Variants in LRP1B observed in about 807,000 individuals in gnomAD.
The protein encoded by LRP1B is LDL receptor related protein 1B.
LRP1B carries 217 observed loss-of-function variants against 556.6 expected under a neutral mutation model. The ratio of observed to expected loss-of-function variants is 0.39; its 90% CI spans 0.35 to 0.44. LRP1B has a LOEUF of 0.44. Ranked by LOEUF, LRP1B falls within the 20% of genes least tolerant of loss-of-function variation. The pLI is 1.00. For missense variants in LRP1B, 5,053 were observed against 5,620.8 expected, an observed-to-expected ratio of 0.90 and a Z score of 3.23; for synonymous variants, 2,047 against 1,865.8, an observed-to-expected ratio of 1.10 and a Z score of -2.50.
intron 1 of LRP1B, among the ~76,000 whole-genome samples, chr2:141,823,884 G>C (rs1340192817): frequency 1.3e-5 from 2 of 152,102 alleles, no homozygotes; most frequent in African/African-American, 4.8e-5. Flanking sequence ...ATGTTGCCCA[G>C]GTTGGTCTCA....
At chr2:140,915,901 G>A (rs563614403) in intron 21 of LRP1B, among the ~76,000 whole-genome samples, 7 of 151,866 alleles carry the variant, frequency 4.6e-5, no homozygotes, top group East Asian at 3.9e-4. Context: ...GGGGGCAGGC[G>A]CCTGTACTCC....
intron 7 of LRP1B, among the ~76,000 whole-genome samples, chr2:141,065,473 G>A (rs945964102): frequency 2.6e-5 from 4 of 151,898 alleles, no homozygotes; most frequent in African/African-American, 9.6e-5. Flanking sequence ...GTCTTTTCTT[G>A]CTCAACTCCT....
rs558274164 is a variant in LRP1B at position 141,882,658 on chromosome 2, A to T, written c.83-72257T>A. 5.3e-5 allele frequency among the ~76,000 whole-genome samples: 8 copies of T among 152,300 alleles called. No homozygotes were observed. In the South Asian group the frequency reaches 1.7e-3, roughly 32 times the overall value. On this transcript the variant is annotated intron_variant, in intron 1 of 90. Transcript: ENST00000389484. The stretch of plus-strand genomic sequence containing the variant: ...GATCATGGGCAGTAAACTGACTCTG[A>T]AGTAGTTTCCATTAATAGATAGGTT...
intron 1 of LRP1B, among the ~76,000 whole-genome samples, chr2:142,026,652 TAA>T (rs1703515347): frequency 6.6e-6 from 1 of 151,954 alleles, no homozygotes; most frequent in Non-Finnish European, 1.5e-5. Flanking sequence ...GCCAAACAAA[TAA>T]AAAGTCTGTG....
At position 141,342,192 on chromosome 2, in the gene LRP1B, C is replaced by T. The variant is rs576491219; in HGVS notation, c.344-87551G>A. On this transcript the variant is annotated intron_variant, in intron 3 of 90. Transcript: ENST00000389484. ...TTGGGAGGTGGAGGTTGCAGTGAGC[C>T]GAGATCGTGCCACCGCACTCCAGCC... Among the ~76,000 whole-genome samples the T allele has an allele frequency of 3.2e-4, 47 of 147,678 alleles. No individual in the cohort carries two copies. The South Asian group carries it at 7.6e-3, about 24-fold the overall frequency.
intron 35 of LRP1B, among the ~76,000 whole-genome samples, chr2:140,722,744 TTATTAAA>T (rs1230772015): frequency 6.6e-6 from 1 of 152,178 alleles, no homozygotes; most frequent in Non-Finnish European, 1.5e-5. Context: ...AGATAAACTA[TTATTAAA>T]TAGTAAAGGG....
In LRP1B at chr2:140,813,739, T is replaced by G; in HGVS notation, c.5277A>C (p.Arg1759Ser). ...CTAAATTACCACCATCCAGGTTGCA[T>G]CTATTTATGGTTCCATTCCCTGAAC... The part of the protein sequence containing the change: ...WISSGNGTIN[R>S]CNLDGGNLEV... The change falls in exon 32 of 91, where the codon AGA (arginine) becomes AGC (serine). Residue 1759 changes from arginine (R) to serine (S), a missense_variant. This residue lies in a region of LRP1B where 3,619 missense variants were observed against 3,931.9 expected (regional missense o/e 0.92). Coordinates refer to ENST00000389484, the MANE Select transcript of LRP1B (RefSeq NM_018557.3). 1.2e-6 allele frequency: 2 copies of G among 1,610,296 alleles called. No individual in the cohort carries two copies.
chr2:141,339,326 T>C (rs13420324), intron 3 of LRP1B, among the ~76,000 whole-genome samples: 89,261 of 150,820 alleles, frequency 0.59, 27,273 homozygotes, highest in African/African-American at 0.68. Flanking sequence ...CATTCAAAAC[T>C]ACTGAATTTA....
chr2:141,181,383 T>C (rs1558915975), intron 7 of LRP1B, among the ~76,000 whole-genome samples: 1 of 151,972 alleles, frequency 6.6e-6, no homozygotes, highest in Non-Finnish European at 1.5e-5. Flanking sequence ...TGTTTTTCTG[T>C]TACTTTACCT....
intron 3 of LRP1B, among the ~76,000 whole-genome samples, chr2:141,333,543 G>A (rs1265007437): frequency 6.6e-6 from 1 of 152,032 alleles, no homozygotes; most frequent in Non-Finnish European, 1.5e-5. Flanking sequence ...AGTAAAAATG[G>A]TAGCTCATAA....
intron 56 of LRP1B, 36 bp downstream of exon 56, chr2:140,495,529 C>A (rs2104872375): frequency 6.5e-7 from 1 of 1,542,942 alleles, no homozygotes; most frequent in Non-Finnish European, 8.9e-7. Flanking sequence ...ATATGTATAA[C>A]TGAGGTTGGA....
At chr2:141,577,975 T>G (rs1483110840) in intron 2 of LRP1B, among the ~76,000 whole-genome samples, 1 of 152,118 alleles carries the variant, frequency 6.6e-6, no homozygotes, top group Non-Finnish European at 1.5e-5. Flanking sequence ...AGCCCAGATA[T>G]CGTAAATAAA....
At chr2:140,441,550 T>TA (rs1360235770) in intron 66 of LRP1B, among the ~76,000 whole-genome samples, 2 of 152,186 alleles carry the variant, frequency 1.3e-5, no homozygotes, top group African/African-American at 4.8e-5. Flanking sequence ...TGCCAGCACT[T>TA]ACACATGTAG....
At chr2:141,273,841 T>A (rs971250364) in intron 3 of LRP1B, among the ~76,000 whole-genome samples, 3 of 152,178 alleles carry the variant, frequency 2.0e-5, no homozygotes, top group Non-Finnish European at 4.4e-5. Flanking sequence ...AGACTTGTAT[T>A]CAGAATATAC....
At chr2:142,073,798 G>C (rs1384577660) in intron 1 of LRP1B, among the ~76,000 whole-genome samples, 2 of 151,826 alleles carry the variant, frequency 1.3e-5, no homozygotes, top group Non-Finnish European at 1.5e-5. Flanking sequence ...ATGAGATCTG[G>C]TTGTTTAAGA....
chr2:140,663,259 AAC>A (rs1685159991), intron 41 of LRP1B, among the ~76,000 whole-genome samples: 1 of 152,210 alleles, frequency 6.6e-6, no homozygotes, highest in African/African-American at 2.4e-5. Context: ...GACTATTACA[AAC>A]ACACCATGTT....
At chr2:141,060,223 G>A (rs1281137382) in intron 8 of LRP1B, among the ~76,000 whole-genome samples, 7 of 151,626 alleles carry the variant, frequency 4.6e-5, no homozygotes, top group Non-Finnish European at 1.0e-4. Flanking sequence ...AAAAAGACTG[G>A]CTTTACATGT....
At chr2:140,291,298 T>A (rs375323884) in intron 84 of LRP1B, among the ~76,000 whole-genome samples, 11 of 71,998 alleles carry the variant, frequency 1.5e-4, no homozygotes, top group Admixed American at 3.3e-4. Flanking sequence ...AAATTTTATT[T>A]TATATATATA....
chr2:141,726,928 G>A (rs1473309270), intron 2 of LRP1B, among the ~76,000 whole-genome samples: 1 of 152,010 alleles, frequency 6.6e-6, no homozygotes, highest in Non-Finnish European at 1.5e-5. Flanking sequence ...AAACTAGCAT[G>A]TATTCTAATT....
Sources: gnomAD v4.1 joint callset for allele counts (sites outside exome capture counted in the v4.1 genomes callset) on GRCh38, gnomAD v4.1.1 for gene constraint, gnomAD v4.1.1 regional missense constraint, MANE v1.5 for transcripts, NCBI Gene and HGNC (gene_info 2026-07-23, HGNC 2026-07-21) for gene names.